The following PPP2CB variants were observed in gnomAD, a reference collection of about 807,000 sequenced individuals.
PPP2CB encodes serine/threonine-protein phosphatase 2A catalytic subunit beta isoform.
Under a neutral mutation model 39.1 loss-of-function variants are expected in PPP2CB, and 18 were observed. That is an observed-to-expected ratio of 0.46 (90% CI 0.32 to 0.68). PPP2CB has a LOEUF of 0.68. Ranked by LOEUF, PPP2CB falls within the 30% of genes least tolerant of loss-of-function variation. The pLI is 0.04. For missense variants in PPP2CB, 226 were observed against 396.9 expected, an observed-to-expected ratio of 0.57 and a Z score of 3.66; for synonymous variants, 129 against 133.8, an observed-to-expected ratio of 0.96 and a Z score of 0.25.
At chr8:30,805,100 C>G (rs1477943019) in intron 1 of PPP2CB, among the ~76,000 whole-genome samples, 1 of 152,216 alleles carries the variant, frequency 6.6e-6, no homozygotes, top group African/African-American at 2.4e-5. Context: ...ATTCTGTCAA[C>G]CAATCCTCTC....
At chr8:30,799,341 T>G (rs548646092) in intron 2 of PPP2CB, among the ~76,000 whole-genome samples, 1 of 152,346 alleles carries the variant, frequency 6.6e-6, no homozygotes, top group South Asian at 2.1e-4. Context: ...ACTTCAGCTA[T>G]GGACTACTCG....
chr8:30,789,797 T>G (rs1458930940), intron 6 of PPP2CB, among the ~76,000 whole-genome samples: 1 of 152,238 alleles, frequency 6.6e-6, no homozygotes, highest in Non-Finnish European at 1.5e-5. Flanking sequence ...CCGTAACAAA[T>G]TACCGAACTG....
rs1806327198 is a variant in PPP2CB at position 30,785,683 on chromosome 8, A to C, written c.*552T>G. On this transcript the variant is annotated 3_prime_UTR_variant, in exon 7 of 7. Transcript: ENST00000221138. ...TAGGATGCAAGCACTGTCATGACAAATATACAGAAATATGCAGATCAACAT... is the reference window on the plus strand; with the variant it reads ...TAGGATGCAAGCACTGTCATGACAACTATACAGAAATATGCAGATCAACAT... 1 of 197,366 alleles carries C rather than the reference A, an allele frequency of 5.1e-6. No homozygotes were observed. Among genetic ancestry groups the C allele is most frequent in the Admixed American group, 5.7e-5 (1 of 17,394 alleles). The allele number at this position is 197,366 out of a possible 1,614,324, so 12.2% of individuals were successfully genotyped here.
Position 30,806,364 on chromosome 8 carries a change from T to G in PPP2CB, c.102+5956A>C, listed in dbSNP as rs574115352. ...CCACCATGCCCGGCCGTTAATATGA[T>G]TATTAATGAAATTTAGAGTTGAAAA... On this transcript the variant is annotated intron_variant, in intron 1 of 6. Transcript: ENST00000221138. Among the ~76,000 whole-genome samples, 6 of 152,086 alleles carry G rather than the reference T, an allele frequency of 3.9e-5. No individual in the cohort carries two copies. The South Asian group carries it at 1.2e-3, about 32-fold the overall frequency.
rs765766181 is a variant in PPP2CB at position 30,791,322 on chromosome 8, G to A, written c.739-7C>T. On this transcript the variant is annotated splice_region_variant and splice_polypyrimidine_tract_variant and intron_variant, in intron 5 of 6. Transcript: ENST00000221138. ...CATGACACCAATTGTATCCCTGCAG[G>A]ATAAAAACAAATTCATTATTTCATT... 3.2e-6 allele frequency: 5 copies of A among 1,549,700 alleles called. No individual in the cohort carries two copies. The highest frequency in any genetic ancestry group is 4.5e-5 in the East Asian group (2 of 44,106).
chr8:30,789,474 T>C (rs996719920), intron 6 of PPP2CB, among the ~76,000 whole-genome samples: 5 of 152,334 alleles, frequency 3.3e-5, no homozygotes, highest in Middle Eastern at 3.4e-3. Flanking sequence ...ACCGGAAATG[T>C]TATGTGACTT....
intron 3 of PPP2CB, chr8:30,794,568 T>C (rs2128760936): frequency 3.2e-6 from 1 of 312,276 alleles, no homozygotes; most frequent in Non-Finnish European, 5.9e-6. Context: ...TTCTTTCTTT[T>C]TTTTCTCCCT....
intron 1 of PPP2CB, among the ~76,000 whole-genome samples, chr8:30,811,582 A>G (rs1386261536): frequency 7.3e-6 from 1 of 136,374 alleles, no homozygotes; most frequent in East Asian, 2.1e-4. Context: ...ACCAGCCTCC[A>G]CCTCCTGGGC....
intron 6 of PPP2CB, among the ~76,000 whole-genome samples, chr8:30,789,609 G>A (rs1251167828): frequency 6.6e-6 from 1 of 152,154 alleles, no homozygotes; most frequent in Non-Finnish European, 1.5e-5. Context: ...CACATATTCT[G>A]CCAGACTGTC....
chr8:30,788,831 G>A (rs887656116), intron 6 of PPP2CB, among the ~76,000 whole-genome samples: 1 of 152,020 alleles, frequency 6.6e-6, no homozygotes, highest in Non-Finnish European at 1.5e-5. Flanking sequence ...CCTGTGTAGA[G>A]GTCACACTTC....
At chr8:30,788,286 A>T (rs1474616251) in intron 6 of PPP2CB, among the ~76,000 whole-genome samples, 1 of 151,064 alleles carries the variant, frequency 6.6e-6, no homozygotes, top group African/African-American at 2.4e-5. Context: ...TTTCTGAGAC[A>T]GGGTCTTTGC....
intron 1 of PPP2CB, among the ~76,000 whole-genome samples, chr8:30,809,121 C>T (rs1806779954): frequency 6.6e-6 from 1 of 151,072 alleles, no homozygotes; most frequent in Non-Finnish European, 1.5e-5. Flanking sequence ...GCCATGTTGG[C>T]CAGGCTGGTC....
At chr8:30,795,173 T>C in intron 3 of PPP2CB, among the ~76,000 whole-genome samples, 1 of 148,632 alleles carries the variant, frequency 6.7e-6, no homozygotes, top group East Asian at 2.0e-4. Flanking sequence ...CCCAGTGCAA[T>C]GGCGTGATCT....
At position 30,791,545 on chromosome 8, in the gene PPP2CB, G is replaced by A. The variant is rs970589399; in HGVS notation, c.739-230C>T. On this transcript the variant is annotated intron_variant, in intron 5 of 6. Transcript: ENST00000221138. The stretch of plus-strand genomic sequence containing the variant: ...GCAGCTCGCTAATTGTTGTTTTGCC[G>A]TATCTATGCTTGAAATCTTGGCAAG... 7.0e-5 allele frequency: 24 copies of A among 341,210 alleles called. No individual in the cohort carries two copies. The South Asian group carries it at 1.5e-3, about 21-fold the overall frequency. 21.1% of individuals were successfully genotyped at this position (341,210 alleles called of 1,614,324 possible). A position where few individuals can be genotyped will look rare whatever the true frequency, so the allele number is the denominator to read the frequency against.
chr8:30,805,764 T>C (rs73228635), intron 1 of PPP2CB, among the ~76,000 whole-genome samples: 21,035 of 152,202 alleles, frequency 0.14, 1,556 homozygotes, highest in African/African-American at 0.21. Flanking sequence ...AAATATTCAC[T>C]TAATAGATCT....
rs544776802 is a variant in PPP2CB at position 30,804,073 on chromosome 8, G to A, written c.103-4318C>T. On this transcript the variant is annotated intron_variant, in intron 1 of 6. Transcript: ENST00000221138. ...CCTGACCTCGTGATCCGCCCGCCTC[G>A]GCCTCCTAAAGTGCTGAGATTACAG... Among the ~76,000 whole-genome samples the A allele has an allele frequency of 2.5e-3, 382 of 152,138 alleles. 3 individuals carry two copies. Among genetic ancestry groups the A allele is most frequent in the African/African-American group, 8.6e-3 (355 of 41,502 alleles).
chr8:30,802,299 T>C (rs1806639913), intron 1 of PPP2CB, among the ~76,000 whole-genome samples: 1 of 152,224 alleles, frequency 6.6e-6, no homozygotes, highest in Admixed American at 6.5e-5. Flanking sequence ...AAGCCAAGTT[T>C]ATTCCACAAA....
intron 1 of PPP2CB, among the ~76,000 whole-genome samples, chr8:30,811,935 C>T (rs1806837069): frequency 6.6e-6 from 1 of 152,202 alleles, no homozygotes; most frequent in African/African-American, 2.4e-5. Context: ...TGGTCCTTTT[C>T]GGACGTCGCT....
chr8:30,808,922 CTTTTTTTTTTT>C lies in PPP2CB; in HGVS notation c.102+3387_102+3397del, dbSNP rs34287210. Among the ~76,000 whole-genome samples the C allele has an allele frequency of 7.2e-4, 84 of 116,750 alleles. 1 individual carries two copies. The highest frequency in any genetic ancestry group is 8.6e-4 in the Non-Finnish European group (51 of 59,564). 76.6% of individuals were successfully genotyped at this position (116,750 alleles called of 152,430 possible). On this transcript the variant is annotated intron_variant, in intron 1 of 6. Transcript: ENST00000221138. ...ACTTCTCATTAGGACTTTACATGGC[CTTTTTTTTTTT>C]TTTTTTTTTTTGAGAAAACTGCATT... is the stretch of plus-strand genomic sequence containing the variant.
Sources: allele counts gnomAD v4.1 joint callset (sites outside exome capture counted in the v4.1 genomes callset), GRCh38; gene constraint gnomAD v4.1.1; transcripts MANE v1.5; gene names NCBI Gene and HGNC (gene_info 2026-07-23, HGNC 2026-07-21).